CCT2: variants seen among roughly 807,000 people sequenced by gnomAD.
The protein encoded by CCT2 is chaperonin containing TCP1 subunit 2, also known as T-complex protein 1 subunit beta.
In CCT2, 18 loss-of-function variants were observed where a neutral mutation model predicts 61.8. That is an observed-to-expected ratio of 0.29 (90% CI 0.20 to 0.43). The LOEUF is 0.43. Among genes scored for constraint, CCT2 ranks in the 20% least tolerant of loss-of-function variants. The pLI is 1.00. For synonymous variants in CCT2, 248 were observed against 215.9 expected, an observed-to-expected ratio of 1.15 and a Z score of -1.30; for missense variants, 556 against 656.9, an observed-to-expected ratio of 0.85 and a Z score of 1.68.
intron 15 of CCT2, 119 bp from the exon 16 acceptor site, chr12:69,601,176 C>T (rs1882136481): frequency 1.3e-6 from 1 of 797,000 alleles, no homozygotes; most frequent in African/African-American, 1.8e-5. Flanking sequence ...ACATGCAAAC[C>T]ATTGCAGAGT....
chr12:69,592,765 T>A (rs2135854501), intron 8 of CCT2: 1 of 387,852 alleles, frequency 2.6e-6, no homozygotes, highest in Non-Finnish European at 4.6e-6. Context: ...CTGTCTTTAC[T>A]AAAAATACAA....
intron 3 of CCT2, chr12:69,587,054 G>A (rs909686617): frequency 3.1e-5 from 13 of 412,818 alleles, no homozygotes; most frequent in Non-Finnish European, 5.1e-5. Flanking sequence ...TTCTGTTTAT[G>A]TAGAAGTATG....
intron 13 of CCT2, 39 bp downstream of exon 13, chr12:69,598,110 GT>G (rs1227746874): frequency 1.4e-6 from 2 of 1,446,202 alleles, no homozygotes; most frequent in Non-Finnish European, 1.9e-6. Flanking sequence ...CTTAAGTTTT[GT>G]GGTTATTGAT....
chr12:69,589,674 C>T lies in CCT2; in HGVS notation c.636C>T (p.Ser212=). Residue 212 remains serine (S), a synonymous_variant, in exon 7 of 16, where the codon TCC becomes TCT. Transcript: ENST00000299300. Reference sequence around the variant, plus strand: ...AGCTAGGAGGAAGTTTGGCAGATTCCTATTTAGATGAAGGTATGTATGAAT... The same window carrying T: ...AGCTAGGAGGAAGTTTGGCAGATTCTTATTTAGATGAAGGTATGTATGAAT... ...IKKLGGSLAD[S]YLDEGFLLDK... 3 of 1,611,946 alleles carry T rather than the reference C, an allele frequency of 1.9e-6. No homozygotes were observed. Among genetic ancestry groups the T allele is most frequent in the Non-Finnish European group, 2.5e-6 (3 of 1,179,526 alleles).
intron 9 of CCT2, among the ~76,000 whole-genome samples, 170 bp from the exon 10 acceptor site, chr12:69,593,340 A>T (rs986464622): frequency 1.6e-4 from 25 of 152,338 alleles, no homozygotes; most frequent in Admixed American, 6.5e-4. Flanking sequence ...CTAGTAATGG[A>T]TGCATTAGTA....
chr12:69,593,424 G>T (rs1467133548), intron 9 of CCT2, 86 bp from the exon 10 acceptor site: 2 of 863,574 alleles, frequency 2.3e-6, no homozygotes, highest in Non-Finnish European at 3.6e-6. Flanking sequence ...TTTACTTGTG[G>T]TAAAAATGTT....
At position 69,597,620 on chromosome 12, in the gene CCT2, T is replaced by A. The variant is rs374983976; in HGVS notation, c.1103-18T>A. 6.2e-7 allele frequency: 1 copy of A among 1,609,214 alleles called. No individual in the cohort carries two copies. The highest frequency in any genetic ancestry group is 8.5e-7 in the Non-Finnish European group (1 of 1,178,566). On this transcript the variant is annotated intron_variant, in intron 11 of 15. Coordinates refer to ENST00000299300, the MANE Select transcript of CCT2 (RefSeq NM_006431.3). ...AAACTTTTTATCCCTAAGTGGTCACTGTGTCTTTTAATTTTAGGTGAGGCT... is the reference window on the plus strand; with the variant it reads ...AAACTTTTTATCCCTAAGTGGTCACAGTGTCTTTTAATTTTAGGTGAGGCT...
intron 2 of CCT2, 23 bp from the exon 3 acceptor site, chr12:69,586,730 A>G: frequency 6.5e-7 from 1 of 1,540,584 alleles, no homozygotes; most frequent in Non-Finnish European, 8.8e-7. Context: ...TGATTCTGAT[A>G]ATCTCCTTGG....
Position 69,597,530 on chromosome 12 carries a change from C to T in CCT2, c.1103-108C>T, listed in dbSNP as rs562602668. 16 of 1,211,662 alleles carry T rather than the reference C, an allele frequency of 1.3e-5. No homozygotes were observed. In the East Asian group the frequency reaches 1.6e-4, roughly 12 times the overall value. 75.1% of individuals were successfully genotyped at this position (1,211,662 alleles called of 1,614,324 possible). A position where few individuals can be genotyped will look rare whatever the true frequency, so the allele number is the denominator to read the frequency against. Reference sequence around the variant, plus strand: ...CTTGATTGTTGGAGAATGTATAATACAGGAAGACAGGTCAGCTTTCAGAAC... The same window carrying T: ...CTTGATTGTTGGAGAATGTATAATATAGGAAGACAGGTCAGCTTTCAGAAC... On this transcript the variant is annotated intron_variant, in intron 11 of 15. Transcript: ENST00000299300.
intron 10 of CCT2, among the ~76,000 whole-genome samples, chr12:69,594,821 A>G (rs1881939484): frequency 6.6e-6 from 1 of 151,110 alleles, no homozygotes; most frequent in African/African-American, 2.4e-5. Context: ...AGTCCATCCT[A>G]AGTGACAGAG....
intron 14 of CCT2, among the ~76,000 whole-genome samples, chr12:69,598,802 G>T (rs574259077): frequency 1.8e-4 from 28 of 152,256 alleles, no homozygotes; most frequent in African/African-American, 6.7e-4. Context: ...ACAGATCACA[G>T]ATCTCTAGTC....
At chr12:69,586,107 A>G (rs1881645475) in intron 1 of CCT2, 163 bp from the exon 2 acceptor site, 1 of 1,172,782 alleles carries the variant, frequency 8.5e-7, no homozygotes, top group Non-Finnish European at 1.2e-6. Flanking sequence ...CCTCTCTCCC[A>G]CTTAAATGCT....
intron 10 of CCT2, among the ~76,000 whole-genome samples, chr12:69,595,663 T>TG (rs982914232): frequency 4.0e-5 from 5 of 126,268 alleles, no homozygotes; most frequent in Middle Eastern, 6.1e-3. Context: ...CACTCCAGCC[T>TG]GGGTGACAGA....
At chr12:69,590,342 TAGAAA>T (rs1468531775) in intron 7 of CCT2, among the ~76,000 whole-genome samples, 2 of 152,198 alleles carry the variant, frequency 1.3e-5, no homozygotes, top group African/African-American at 4.8e-5. Flanking sequence ...TAGTTTTTTT[TAGAAA>T]AGAATTAAAA....
intron 2 of CCT2, among the ~76,000 whole-genome samples, 200 bp downstream of exon 2, chr12:69,586,544 T>C (rs1881664887): frequency 6.6e-6 from 1 of 152,034 alleles, no homozygotes; most frequent in African/African-American, 2.4e-5. Flanking sequence ...GATGGGCACC[T>C]GTAATCCCAG....
In CCT2 at chr12:69,599,860, C is replaced by A. The variant is rs1882099303; in HGVS notation, c.1436-3C>A. On this transcript the variant is annotated splice_region_variant and splice_polypyrimidine_tract_variant and intron_variant, in intron 14 of 15. Coordinates refer to ENST00000299300, the MANE Select transcript of CCT2 (RefSeq NM_006431.3). ...TTTTTAGTAAATTTGTTTTTCTTTG[C>A]AGATATGAGGGAAGGCACCATTGGA... 6.3e-7 allele frequency: 1 copy of A among 1,595,972 alleles called. No homozygotes were observed. The highest frequency in any genetic ancestry group is 8.5e-7 in the Non-Finnish European group (1 of 1,172,922).
At chr12:69,600,559 C>T (rs973362721) in intron 15 of CCT2, among the ~76,000 whole-genome samples, 4 of 148,910 alleles carry the variant, frequency 2.7e-5, no homozygotes, top group Admixed American at 6.8e-5. Flanking sequence ...CCATGGGCTT[C>T]TTTTTCATAT....
intron 1 of CCT2, chr12:69,585,766 C>T (rs1278400549): frequency 2.1e-6 from 3 of 1,412,476 alleles, no homozygotes; most frequent in East Asian, 2.6e-5. Flanking sequence ...TGCATAGTCC[C>T]GGCAGCCCAG....
chr12:69,597,728 C>A lies in CCT2; in HGVS notation c.1193C>A (p.Ala398Glu). The A allele has an allele frequency of 6.2e-7, 1 of 1,613,480 alleles. No homozygotes were observed. Among genetic ancestry groups the A allele is most frequent in the Non-Finnish European group, 8.5e-7 (1 of 1,179,550 alleles). ...RSLHDALCVL[A>E]QTVKDSRTVY... is the part of the protein sequence containing the mutation. ...TTGCATGATGCTCTTTGTGTTCTTG[C>A]GCAAACTGTAAAGGACTCTAGAACA... The change falls in exon 12 of 16, where the codon GCG becomes GAG. Residue 398 changes from alanine to glutamate, a missense_variant. Around this residue, in one of 3 missense-constraint regions of CCT2, gnomAD observed 225 missense variants for 249.8 expected, o/e 0.90. Coordinates refer to ENST00000299300, the MANE Select transcript of CCT2 (RefSeq NM_006431.3).
Sources: allele counts gnomAD v4.1 joint callset (sites outside exome capture counted in the v4.1 genomes callset), GRCh38; gene constraint gnomAD v4.1.1; regional missense constraint gnomAD v4.1.1; transcripts MANE v1.5; gene names NCBI Gene and HGNC (gene_info 2026-07-23, HGNC 2026-07-21).